The following NREP variants were observed in gnomAD, a reference collection of about 807,000 sequenced individuals.
The protein encoded by NREP is neuronal regeneration-related protein.
In NREP, 5 loss-of-function variants were observed where a neutral mutation model predicts 8.6. That is an observed-to-expected ratio of 0.58 (90% CI 0.30 to 1.22). The LOEUF (loss-of-function observed/expected upper bound fraction) is 1.22, where lower values mean the gene tolerates loss of function less well. Ranked by LOEUF, NREP falls within the 50% of genes most tolerant of loss-of-function variation. The pLI, the probability that NREP is intolerant of heterozygous loss-of-function variation, is 0.07. For synonymous variants in NREP, 27 were observed against 28.0 expected (o/e 0.96, Z 0.11); for missense variants, 86 against 82.5 (o/e 1.04, Z -0.17).
At chr5:111,874,436 A>T (rs930667348) in intron 2 of NREP, among the ~76,000 whole-genome samples, 1 of 152,270 alleles carries the variant, frequency 6.6e-6, no homozygotes, top group Non-Finnish European at 1.5e-5. Flanking sequence ...TCCTAAGAAG[A>T]TAGTTTTCCA....
At chr5:111,880,279 A>T (rs796568477) in intron 2 of NREP, among the ~76,000 whole-genome samples, 3 of 152,330 alleles carry the variant, frequency 2.0e-5, no homozygotes, top group African/African-American at 7.2e-5. Flanking sequence ...ATTTTTTAAA[A>T]TTAAAATGTG....
At chr5:111,968,040 T>C (rs1036501283) in intron 2 of NREP, among the ~76,000 whole-genome samples, 5 of 152,166 alleles carry the variant, frequency 3.3e-5, no homozygotes, top group African/African-American at 4.8e-5. Context: ...TCATTTCCTA[T>C]GTCAGGAAAC....
chr5:111,958,354 G>A (rs949985975), intron 2 of NREP, among the ~76,000 whole-genome samples: 1 of 151,774 alleles, frequency 6.6e-6, no homozygotes, highest in African/African-American at 2.4e-5. Context: ...AGAAACAAAT[G>A]AGATATAAAG....
At position 111,809,870 on chromosome 5, in the gene NREP, CGTGTGTGTGTGTGT is replaced by C. The variant is rs3223253; in HGVS notation, c.136-74377_136-74364del. ...ACCACCTCATTGACTGGGACTTTGGCGTGTGTGTGTGTGTGTGTGTGTGTGTGTGTGTGTGTGTG... is the reference window on the plus strand; with the variant it reads ...ACCACCTCATTGACTGGGACTTTGGCGTGTGTGTGTGTGTGTGTGTGTGTG... On this transcript the variant is annotated intron_variant, in intron 2 of 3. Transcript: ENST00000395634. 1.6e-3 allele frequency among the ~76,000 whole-genome samples: 232 copies of C among 144,204 alleles called. 1 individual carries two copies. The highest frequency in any genetic ancestry group is 6.9e-3 in the Middle Eastern group (2 of 288). 94.6% of individuals were successfully genotyped at this position (144,204 alleles called of 152,430 possible).
chr5:111,793,372 T>C (rs922192607), intron 2 of NREP, among the ~76,000 whole-genome samples: 3 of 148,900 alleles, frequency 2.0e-5, no homozygotes, highest in Non-Finnish European at 4.5e-5. Flanking sequence ...AGGGGAGGAG[T>C]GATAAGGTGT....
At chr5:111,735,178 G>A (rs1561631368) in intron 3 of NREP, 2 of 400,388 alleles carry the variant, frequency 5.0e-6, no homozygotes, top group Admixed American at 7.8e-5. Flanking sequence ...CCTGTAAACT[G>A]TACTTTGATA....
At chr5:111,897,379 A>G (rs1312743723) in intron 2 of NREP, among the ~76,000 whole-genome samples, 1 of 152,180 alleles carries the variant, frequency 6.6e-6, no homozygotes, top group Non-Finnish European at 1.5e-5. Flanking sequence ...AACTCACACT[A>G]TATGTGATGC....
At chr5:111,859,173 T>A (rs1753491358) in intron 2 of NREP, among the ~76,000 whole-genome samples, 1 of 152,154 alleles carries the variant, frequency 6.6e-6, no homozygotes, top group African/African-American at 2.4e-5. Flanking sequence ...CTTACACAGC[T>A]AGCTCCTTGT....
chr5:111,928,442 G>A lies in NREP; in HGVS notation c.135+46832C>T, dbSNP rs146269538. 4.3e-3 allele frequency among the ~76,000 whole-genome samples: 660 copies of A among 152,218 alleles called. 4 individuals are homozygous for A. The highest frequency in any genetic ancestry group is 0.015 in the African/African-American group (627 of 41,550). The stretch of plus-strand genomic sequence containing the variant: ...CTTAATTTATGTCAGAAAAAAATCT[G>A]ACTGTATTTGAATTGAAATATATGT... On this transcript the variant is annotated intron_variant, in intron 2 of 3. Coordinates refer to the NREP transcript ENST00000395634.
intron 2 of NREP, among the ~76,000 whole-genome samples, chr5:111,958,476 CAA>C (rs1756390018): frequency 6.6e-6 from 1 of 151,800 alleles, no homozygotes; most frequent in South Asian, 2.1e-4. Flanking sequence ...GAAAATTCAG[CAA>C]AGTTTCTGGG....
chr5:111,873,760 T>C (rs1447180662), intron 2 of NREP, among the ~76,000 whole-genome samples: 4 of 152,208 alleles, frequency 2.6e-5, no homozygotes, highest in Non-Finnish European at 5.9e-5. Context: ...CAAATCCTTT[T>C]TGTCATGTAA....
chr5:111,880,541 T>G (rs938912941), intron 2 of NREP, among the ~76,000 whole-genome samples: 1 of 152,112 alleles, frequency 6.6e-6, no homozygotes, highest in East Asian at 1.9e-4. Flanking sequence ...ATTCCTTGTG[T>G]ATCCAAATCT....
chr5:111,855,687 G>A (rs1753410808), intron 2 of NREP, among the ~76,000 whole-genome samples: 1 of 152,124 alleles, frequency 6.6e-6, no homozygotes, highest in African/African-American at 2.4e-5. Context: ...GGATGTTCTT[G>A]GAAGGGGCTG....
chr5:111,881,611 CG>C lies in NREP; in HGVS notation c.135+93662del, dbSNP rs1754073822. Reference sequence around the variant, plus strand: ...GGGGCAGACTGACACCTCACACGACCGGGTACTCCTCTGCAACAGAACTTCC... The same window carrying C: ...GGGGCAGACTGACACCTCACACGACCGGTACTCCTCTGCAACAGAACTTCC... On this transcript the variant is annotated intron_variant, in intron 2 of 3. Coordinates refer to the NREP transcript ENST00000395634. Among the ~76,000 whole-genome samples the C allele has an allele frequency of 3.3e-5, 5 of 152,216 alleles. No individual in the cohort carries two copies. In the South Asian group the frequency reaches 1.0e-3, roughly 32 times the overall value.
Position 111,847,101 on chromosome 5 carries a change from G to A in NREP, c.136-111594C>T, listed in dbSNP as rs141297706. ...CTACTGACACATATTTTAAAATGAA[G>A]ACATGACACACTTTTTTTTTTTTTT... On this transcript the variant is annotated intron_variant, in intron 2 of 3. Coordinates refer to the NREP transcript ENST00000395634. Among the ~76,000 whole-genome samples, 6 of 150,850 alleles carry A rather than the reference G, an allele frequency of 4.0e-5. No homozygotes were observed. In the East Asian group the frequency reaches 9.7e-4, roughly 24 times the overall value.
intron 2 of NREP, among the ~76,000 whole-genome samples, chr5:111,847,665 A>G (rs1447933721): frequency 6.6e-6 from 1 of 152,144 alleles, no homozygotes; most frequent in Non-Finnish European, 1.5e-5. Context: ...GTCTATCTGT[A>G]TATCTGTGTT....
chr5:111,823,603 T>C (rs1472542815), intron 2 of NREP, among the ~76,000 whole-genome samples: 5 of 152,228 alleles, frequency 3.3e-5, no homozygotes, highest in Non-Finnish European at 5.9e-5. Flanking sequence ...TAGACAAGTA[T>C]AAAAATATTA....
At chr5:111,843,720 C>T in intron 2 of NREP, among the ~76,000 whole-genome samples, 1 of 152,134 alleles carries the variant, frequency 6.6e-6, no homozygotes, top group East Asian at 1.9e-4. Flanking sequence ...AAGCCCTTTA[C>T]CAGTCAGCCC....
chr5:111,916,668 C>G (rs1206408803), intron 2 of NREP, among the ~76,000 whole-genome samples: 1 of 152,182 alleles, frequency 6.6e-6, no homozygotes, highest in African/African-American at 2.4e-5. Context: ...GTTACTTTCT[C>G]TCTCTGTACT....
Sources: gnomAD v4.1 joint callset for allele counts (sites outside exome capture counted in the v4.1 genomes callset) on GRCh38, gnomAD v4.1.1 for gene constraint, MANE v1.5 for transcripts, NCBI Gene and HGNC (gene_info 2026-07-23, HGNC 2026-07-21) for gene names.